UBE2E2: variants seen among roughly 807,000 people sequenced by gnomAD.
UBE2E2 encodes ubiquitin conjugating enzyme E2 E2, also known as ubiquitin-conjugating enzyme E2 E2.
In UBE2E2, 6 loss-of-function variants were observed where a neutral mutation model predicts 24.7. The ratio of observed to expected loss-of-function variants is 0.24; its 90% CI spans 0.13 to 0.48. The LOEUF (loss-of-function observed/expected upper bound fraction) is 0.48, where lower values mean the gene tolerates loss of function less well. Among genes scored for constraint, UBE2E2 ranks in the 20% least tolerant of loss-of-function variants. The pLI is 0.99. For synonymous variants in UBE2E2, 104 were observed against 83.6 expected (o/e 1.24, Z -1.33); for missense variants, 169 against 245.0 (o/e 0.69, Z 2.07).
chr3:23,299,357 C>T (rs1259373431), intron 3 of UBE2E2, among the ~76,000 whole-genome samples: 2 of 151,928 alleles, frequency 1.3e-5, no homozygotes, highest in Admixed American at 1.3e-4. Flanking sequence ...GCTTCTCTAG[C>T]TCTTTTAGTT....
rs866386352 is a variant in UBE2E2 at position 23,312,140 on chromosome 3, C to T, written c.227+94828C>T. 5.9e-5 allele frequency among the ~76,000 whole-genome samples: 9 copies of T among 152,288 alleles called. No individual in the cohort carries two copies. The Middle Eastern group carries it at 0.01, about 173-fold the overall frequency. On this transcript the variant is annotated intron_variant, in intron 3 of 5. Coordinates refer to ENST00000396703, the MANE Select transcript of UBE2E2 (RefSeq NM_152653.4). ...ATGTGAGATGCCTGCTCGCCCTTTGCCTTCTGCCATGATTGGAAGCCTCCT... is the reference window on the plus strand; with the variant it reads ...ATGTGAGATGCCTGCTCGCCCTTTGTCTTCTGCCATGATTGGAAGCCTCCT...
rs536078712 is a variant in UBE2E2, at chr3:23,418,577, C to T, written c.228-81031C>T. On this transcript the variant is annotated intron_variant, in intron 3 of 5. Coordinates refer to ENST00000396703, the MANE Select transcript of UBE2E2 (RefSeq NM_152653.4). ...AGGCTGTTCTCGAACTCCTCACCTC[C>T]GGTTACATTATTCTTGTATAGAGTT... Among the ~76,000 whole-genome samples, 9 of 152,216 alleles carry T rather than the reference C, an allele frequency of 5.9e-5. No individual in the cohort carries two copies. In the South Asian group the frequency reaches 6.2e-4, roughly 11 times the overall value.
intron 5 of UBE2E2, among the ~76,000 whole-genome samples, chr3:23,534,667 T>C (rs1032674132): frequency 6.6e-6 from 1 of 151,816 alleles, no homozygotes; most frequent in African/African-American, 2.4e-5. Context: ...GTCCATTCTT[T>C]TGCTTAATGG....
intron 3 of UBE2E2, among the ~76,000 whole-genome samples, chr3:23,260,588 G>A (rs931235370): frequency 4.6e-5 from 7 of 152,104 alleles, no homozygotes; most frequent in African/African-American, 1.7e-4. Context: ...CGAGGTGGGA[G>A]GATTGCTTGA....
intron 3 of UBE2E2, among the ~76,000 whole-genome samples, chr3:23,478,309 A>G (rs1699182039): frequency 6.6e-6 from 1 of 152,226 alleles, no homozygotes; most frequent in Middle Eastern, 3.2e-3. Flanking sequence ...AGGGGTAAGG[A>G]TAATTTATTT....
chr3:23,332,954 G>A (rs1042774907), intron 3 of UBE2E2, among the ~76,000 whole-genome samples: 11 of 152,258 alleles, frequency 7.2e-5, no homozygotes, highest in South Asian at 4.1e-4. Flanking sequence ...ACAGCTATAC[G>A]TTTCGTTTTA....
At chr3:23,331,562 A>T (rs1695058556) in intron 3 of UBE2E2, among the ~76,000 whole-genome samples, 1 of 152,118 alleles carries the variant, frequency 6.6e-6, no homozygotes, top group Non-Finnish European at 1.5e-5. Flanking sequence ...CCTCTCTGAC[A>T]AAGTGACACA....
chr3:23,372,353 C>A (rs954785681), intron 3 of UBE2E2, among the ~76,000 whole-genome samples: 1 of 151,974 alleles, frequency 6.6e-6, no homozygotes, highest in African/African-American at 2.4e-5. Flanking sequence ...TAAAGTGATA[C>A]CACTGGAAGA....
Position 23,224,169 on chromosome 3 carries a change from T to TG in UBE2E2, c.227+6857_227+6858insG, listed in dbSNP as rs1389827273. Among the ~76,000 whole-genome samples, 336 of 149,712 alleles carry TG rather than the reference T, an allele frequency of 2.2e-3. 1 individual carries two copies. Among genetic ancestry groups the TG allele is most frequent in the Non-Finnish European group, 4.2e-3 (285 of 67,434 alleles). ...TGTAAATTTTAGGTTTTTTTTTTTTTTTTTTTTTTTTACTATTTCTGTGAA... is the reference window on the plus strand; with the variant it reads ...TGTAAATTTTAGGTTTTTTTTTTTTTGTTTTTTTTTTTACTATTTCTGTGAA... On this transcript the variant is annotated intron_variant, in intron 3 of 5. Transcript: ENST00000396703.
intron 3 of UBE2E2, among the ~76,000 whole-genome samples, chr3:23,433,909 A>G (rs1030741169): frequency 4.6e-5 from 7 of 152,092 alleles, no homozygotes; most frequent in Admixed American, 2.6e-4. Flanking sequence ...CCTCGTTTGT[A>G]AGGGAAAAAA....
At chr3:23,585,419 A>G (rs1056265793) in intron 5 of UBE2E2, among the ~76,000 whole-genome samples, 12 of 151,932 alleles carry the variant, frequency 7.9e-5, no homozygotes, top group Non-Finnish European at 1.5e-4. Flanking sequence ...AGATGAGGAA[A>G]TGTGATTTAG....
chr3:23,577,990 G>A (rs577371169), intron 5 of UBE2E2, among the ~76,000 whole-genome samples: 3 of 148,344 alleles, frequency 2.0e-5, no homozygotes, highest in East Asian at 4.0e-4. Flanking sequence ...TTAAGCCCAC[G>A]GTTGAGACCT....
chr3:23,560,911 G>A (rs1361911918), intron 5 of UBE2E2, among the ~76,000 whole-genome samples: 1 of 152,014 alleles, frequency 6.6e-6, no homozygotes, highest in Non-Finnish European at 1.5e-5. Flanking sequence ...TTTTTGATGG[G>A]GTTGTTTGTT....
intron 3 of UBE2E2, among the ~76,000 whole-genome samples, chr3:23,486,862 T>C (rs1335699794): frequency 1.3e-5 from 2 of 152,132 alleles, no homozygotes; most frequent in Non-Finnish European, 1.5e-5. Context: ...TCAATGAAGT[T>C]CTCACTCTAA....
At chr3:23,545,290 C>G (rs1031446449) in intron 5 of UBE2E2, among the ~76,000 whole-genome samples, 1 of 152,258 alleles carries the variant, frequency 6.6e-6, no homozygotes, top group African/African-American at 2.4e-5. Context: ...GGAGAGAAAC[C>G]TTGGACAATA....
chr3:23,332,714 T>TGTGTGC (rs1553603059), intron 3 of UBE2E2, among the ~76,000 whole-genome samples: 1 of 147,204 alleles, frequency 6.8e-6, no homozygotes, highest in Non-Finnish European at 1.5e-5. Context: ...TGTGTGTGTG[T>TGTGTGC]GTGTGCAGCT....
intron 3 of UBE2E2, among the ~76,000 whole-genome samples, chr3:23,432,316 T>C (rs982178237): frequency 6.6e-5 from 10 of 152,054 alleles, no homozygotes; most frequent in African/African-American, 2.4e-4. Context: ...CAATTATTAT[T>C]TGTATGAGGA....
intron 3 of UBE2E2, among the ~76,000 whole-genome samples, chr3:23,469,916 TG>T (rs1346785505): frequency 5.9e-5 from 9 of 152,342 alleles, no homozygotes; most frequent in Admixed American, 3.9e-4. Context: ...GGTCTTTTTC[TG>T]GCAAGTGTCT....
intron 3 of UBE2E2, among the ~76,000 whole-genome samples, chr3:23,362,548 G>C (rs1156473272): frequency 2.0e-5 from 3 of 152,156 alleles, no homozygotes; most frequent in Admixed American, 2.0e-4. Flanking sequence ...TAGTGGTCCT[G>C]CTTCTGTCTG....
Sources: allele counts gnomAD v4.1 joint callset (sites outside exome capture counted in the v4.1 genomes callset), GRCh38; gene constraint gnomAD v4.1.1; transcripts MANE v1.5; gene names NCBI Gene and HGNC (gene_info 2026-07-23, HGNC 2026-07-21).